Variants in ZSWIM6 observed in about 807,000 individuals in gnomAD.
The protein encoded by ZSWIM6 is zinc finger SWIM-type containing 6, also known as zinc finger SWIM domain-containing protein 6.
In ZSWIM6, 9 loss-of-function variants were observed where a neutral mutation model predicts 113.2. The ratio of observed to expected loss-of-function variants is 0.08; its 90% confidence interval spans 0.05 to 0.14. The LOEUF is 0.14. Among genes scored for constraint, ZSWIM6 ranks in the 10% least tolerant of loss-of-function variants. The pLI is 1.00. For synonymous variants in ZSWIM6, 611 were observed against 606.5 expected (o/e 1.01, Z -0.11); for missense variants, 1,162 against 1,552.2 (o/e 0.75, Z 4.22).
At chr5:61,442,972 T>C (rs1280644801) in intron 1 of ZSWIM6, among the ~76,000 whole-genome samples, 1 of 152,222 alleles carries the variant, frequency 6.6e-6, no homozygotes, top group Non-Finnish European at 1.5e-5. Flanking sequence ...CAGTCTTCCA[T>C]TAGTTCAGTG....
chr5:61,389,554 C>CAAAAAAAAAAAAAAAAAAAAAAAAAA (rs60533774), intron 1 of ZSWIM6, among the ~76,000 whole-genome samples: 2 of 50,988 alleles, frequency 3.9e-5, no homozygotes, highest in Non-Finnish European at 7.8e-5. Flanking sequence ...GACTCAGTCT[C>CAAAAAAAAAAAAAAAAAAAAAAAAAA]AAAAAAAAAA....
At chr5:61,388,615 G>A (rs1745640025) in intron 1 of ZSWIM6, among the ~76,000 whole-genome samples, 1 of 152,218 alleles carries the variant, frequency 6.6e-6, no homozygotes, top group South Asian at 2.1e-4. Context: ...AACCCTGTGA[G>A]AGATAAACCA....
At chr5:61,422,722 G>A (rs1746379967) in intron 1 of ZSWIM6, among the ~76,000 whole-genome samples, 2 of 152,024 alleles carry the variant, frequency 1.3e-5, no homozygotes, top group South Asian at 4.2e-4. Context: ...CCATTTTTGT[G>A]TGTGTCTTCT....
intron 1 of ZSWIM6, among the ~76,000 whole-genome samples, chr5:61,411,118 G>C (rs1353023549): frequency 6.6e-6 from 1 of 152,190 alleles, no homozygotes; most frequent in Non-Finnish European, 1.5e-5. Flanking sequence ...GGGAGGTCCT[G>C]TGCTCTAGGA....
At chr5:61,491,019 A>G in intron 3 of ZSWIM6, 85 bp downstream of exon 3, 2 of 1,277,074 alleles carry the variant, frequency 1.6e-6, no homozygotes, top group Non-Finnish European at 2.1e-6. Context: ...ACAATAGGAT[A>G]AAGACTTTTA....
chr5:61,507,843 G>C (rs1748664894), intron 4 of ZSWIM6, among the ~76,000 whole-genome samples: 1 of 152,168 alleles, frequency 6.6e-6, no homozygotes. Flanking sequence ...GAAATATGAG[G>C]AATGGAATGA....
chr5:61,408,596 A>C (rs563794262), intron 1 of ZSWIM6, among the ~76,000 whole-genome samples: 1 of 152,330 alleles, frequency 6.6e-6, no homozygotes, highest in South Asian at 2.1e-4. Flanking sequence ...ATGGGAGACC[A>C]AGTTCTGAAG....
At chr5:61,392,467 T>G (rs932242859) in intron 1 of ZSWIM6, among the ~76,000 whole-genome samples, 4 of 152,208 alleles carry the variant, frequency 2.6e-5, no homozygotes, top group African/African-American at 9.7e-5. Context: ...GTTAACAGTT[T>G]GGTGAGACAG....
At chr5:61,509,221 C>T (rs1349604125) in intron 4 of ZSWIM6, among the ~76,000 whole-genome samples, 1 of 152,142 alleles carries the variant, frequency 6.6e-6, no homozygotes, top group Non-Finnish European at 1.5e-5. Flanking sequence ...ATTTCATTTG[C>T]AGTAATTCAT....
intron 1 of ZSWIM6, among the ~76,000 whole-genome samples, chr5:61,373,073 A>G (rs995531992): frequency 6.6e-6 from 1 of 152,128 alleles, no homozygotes; most frequent in African/African-American, 2.4e-5. Context: ...GTTTGGTTGC[A>G]TACTTCCAGA....
At chr5:61,484,046 T>C (rs1196359226) in intron 2 of ZSWIM6, among the ~76,000 whole-genome samples, 1 of 152,164 alleles carries the variant, frequency 6.6e-6, no homozygotes, top group Non-Finnish European at 1.5e-5. Flanking sequence ...AAGTGGATTA[T>C]ATTCTGAAGT....
Position 61,543,447 on chromosome 5 carries a change from C to G in ZSWIM6, c.2786-8C>G, listed in dbSNP as rs1182195035. On this transcript the variant is annotated splice_region_variant and splice_polypyrimidine_tract_variant and intron_variant, in intron 13 of 13. Coordinates refer to ENST00000252744, the MANE Select transcript of ZSWIM6 (RefSeq NM_020928.2). The surrounding 1 kb of genome is among the most constrained non-coding windows in gnomAD (Gnocchi z 4.3). Reference sequence around the variant, plus strand: ...GTCAGTAATAGAGCCTGTTTGTGTTCCTTGCAGGGGTTTATGCCCTGGACA... The same window carrying G: ...GTCAGTAATAGAGCCTGTTTGTGTTGCTTGCAGGGGTTTATGCCCTGGACA... 3.2e-6 allele frequency: 5 copies of G among 1,543,660 alleles called. No individual in the cohort carries two copies. The highest frequency in any genetic ancestry group is 2.6e-6 in the Non-Finnish European group (3 of 1,142,418).
At chr5:61,439,897 G>A (rs1746789513) in intron 1 of ZSWIM6, among the ~76,000 whole-genome samples, 1 of 152,146 alleles carries the variant, frequency 6.6e-6, no homozygotes, top group African/African-American at 2.4e-5. Context: ...GTTTTCTCAT[G>A]AGAATAAGGT....
intron 4 of ZSWIM6, among the ~76,000 whole-genome samples, chr5:61,500,123 T>TATTATTATTATC (rs759112655): frequency 1.0e-4 from 15 of 147,924 alleles, no homozygotes; most frequent in African/African-American, 3.8e-4. Context: ...TTATTATTAT[T>TATTATTATTATC]ATTATCATTA....
chr5:61,523,435 A>G (rs1207158012), intron 5 of ZSWIM6, among the ~76,000 whole-genome samples: 2 of 152,236 alleles, frequency 1.3e-5, no homozygotes, highest in African/African-American at 4.8e-5. Context: ...TTTTTAATAT[A>G]CCAAAAGTAT....
At chr5:61,350,358 G>A (rs1244530440) in intron 1 of ZSWIM6, among the ~76,000 whole-genome samples, 1 of 152,186 alleles carries the variant, frequency 6.6e-6, no homozygotes, top group South Asian at 2.1e-4. Context: ...GTGTGTATAG[G>A]GAGAGAGTAA....
In ZSWIM6 at chr5:61,472,671, C is replaced by T; in HGVS notation, c.677-10C>T. ...AGCTAAACCCTCCCTTTCTTTCTTT[C>T]ACCCTCAAGGTTTCCACTTGAGCGG... On this transcript the variant is annotated splice_polypyrimidine_tract_variant and intron_variant, in intron 1 of 13. Coordinates refer to ENST00000252744, the MANE Select transcript of ZSWIM6 (RefSeq NM_020928.2). This position sits in a 1 kb window ranked among gnomAD's most constrained non-coding sequence, Gnocchi z 4.1. 6.7e-7 allele frequency: 1 copy of T among 1,484,616 alleles called. No individual in the cohort carries two copies. The highest frequency in any genetic ancestry group is 1.4e-5 in the South Asian group (1 of 73,032). 92.0% of individuals were successfully genotyped at this position (1,484,616 alleles called of 1,614,324 possible). A position where few individuals can be genotyped will look rare whatever the true frequency, so the allele number is the denominator to read the frequency against.
At chr5:61,529,682 A>T (rs1749378007) in intron 7 of ZSWIM6, among the ~76,000 whole-genome samples, 1 of 152,118 alleles carries the variant, frequency 6.6e-6, no homozygotes, top group Non-Finnish European at 1.5e-5. Context: ...GAAGTGGGGG[A>T]GTTGTTCCTA....
intron 1 of ZSWIM6, among the ~76,000 whole-genome samples, chr5:61,428,604 T>G (rs1746512437): frequency 6.6e-6 from 1 of 152,000 alleles, no homozygotes; most frequent in South Asian, 2.1e-4. Flanking sequence ...CTCCTGACCT[T>G]AAGCCATCCT....
Sources: gnomAD v4.1 joint callset for allele counts (sites outside exome capture counted in the v4.1 genomes callset) on GRCh38, gnomAD v4.1.1 for gene constraint, Gnocchi (gnomAD v3.1) non-coding constraint, MANE v1.5 for transcripts, NCBI Gene and HGNC (gene_info 2026-07-23, HGNC 2026-07-21) for gene names.